The following THNSL1 variants were observed in gnomAD, a reference collection of about 807,000 sequenced individuals.
The protein encoded by THNSL1 is threonine synthase-like 1.
Under a neutral mutation model 50.4 loss-of-function variants are expected in THNSL1, and 48 were observed. That is an observed-to-expected ratio of 0.95 (90% CI 0.76 to 1.21). The LOEUF (loss-of-function observed/expected upper bound fraction) is 1.21, where lower values mean the gene tolerates loss of function less well. THNSL1 is among the 50% of genes most tolerant of loss of function. The pLI is 0.00. For synonymous variants in THNSL1, 309 were observed against 306.1 expected, an observed-to-expected ratio of 1.01 and a Z score of -0.10; for missense variants, 896 against 871.7, an observed-to-expected ratio of 1.03 and a Z score of -0.35.
rs1455237814 is a variant in THNSL1 at position 25,026,403 on chromosome 10, T to C, written c.*948T>C. 1.8e-5 allele frequency: 3 copies of C among 167,026 alleles called. No homozygotes were observed. Among genetic ancestry groups the C allele is most frequent in the African/African-American group, 2.4e-5 (1 of 41,458 alleles). The allele number at this position is 167,026 out of a possible 1,614,324, so 10.3% of individuals were successfully genotyped here. A position where few individuals can be genotyped will look rare whatever the true frequency, so the allele number is the denominator to read the frequency against. On this transcript the variant is annotated 3_prime_UTR_variant, in exon 3 of 3. Transcript: ENST00000376356. ...AAATGATCTATTTCAAGAGGAAGGT[T>C]TTCCAAAATTAAGAGTACTTGAGTA...
chr10:25,020,698 G>T (rs1316600175), intron 1 of THNSL1, among the ~76,000 whole-genome samples: 1 of 151,020 alleles, frequency 6.6e-6, no homozygotes, highest in Non-Finnish European at 1.5e-5. Context: ...CTGAGATCAT[G>T]CCACTGCACT....
chr10:24,998,284 TTTTC>T, the THNSL1 span, among the ~76,000 whole-genome samples: 1 of 151,852 alleles, frequency 6.6e-6, no homozygotes, highest in Middle Eastern at 3.4e-3. Context: ...TTTTCTTTTC[TTTTC>T]TTTTCTTCTC....
the THNSL1 span, among the ~76,000 whole-genome samples, chr10:24,960,385 C>T: frequency 6.6e-6 from 1 of 152,052 alleles, no homozygotes. Context: ...CTTGAAGGAA[C>T]TGGGTTCCTT....
At chr10:25,019,013 C>G (rs1850667581) in intron 1 of THNSL1, among the ~76,000 whole-genome samples, 1 of 152,076 alleles carries the variant, frequency 6.6e-6, no homozygotes, top group East Asian at 1.9e-4. Context: ...TGTTTCATGG[C>G]AAGTGGGAGG....
At chr10:24,983,224 G>A in the THNSL1 span, 1 of 152,142 alleles carries the variant, frequency 6.6e-6, no homozygotes. Context: ...TTTGGAGTTA[G>A]TTTGTTAAAG....
upstream of THNSL1, chr10:25,015,934 C>T: frequency 6.2e-7 from 1 of 1,605,898 alleles, no homozygotes; most frequent in East Asian, 2.2e-5. Context: ...ACGTTGGATC[C>T]ATGGCCACCA....
the THNSL1 span, among the ~76,000 whole-genome samples, chr10:24,996,765 C>G: frequency 3.3e-5 from 5 of 152,148 alleles, no homozygotes; most frequent in Admixed American, 3.3e-4. Context: ...CCAATACTTA[C>G]AGTTAAAAGT....
the THNSL1 span, among the ~76,000 whole-genome samples, chr10:24,993,602 T>C: frequency 6.6e-6 from 1 of 152,246 alleles, no homozygotes; most frequent in African/African-American, 2.4e-5. Context: ...AAAGAATTTA[T>C]TTACTATCTC....
chr10:24,984,855 C>A, the THNSL1 span: 11 of 1,613,342 alleles, frequency 6.8e-6, no homozygotes, highest in African/African-American at 5.3e-5. Flanking sequence ...CTATAAAGAC[C>A]GAGAGGGACT....
At chr10:25,016,247 G>C, upstream of THNSL1, 1 of 990,248 alleles carries the variant, frequency 1.0e-6, no homozygotes, top group Non-Finnish European at 1.2e-6. Context: ...TTTCTGCAGC[G>C]CCTTCTGCTA....
the THNSL1 span, among the ~76,000 whole-genome samples, chr10:25,010,601 C>A: frequency 6.6e-6 from 1 of 151,334 alleles, no homozygotes; most frequent in Non-Finnish European, 1.5e-5. Flanking sequence ...CCCCTACCCC[C>A]ACCCCACAAC....
At chr10:25,004,251 T>C in the THNSL1 span, among the ~76,000 whole-genome samples, 1,383 of 152,330 alleles carry the variant, frequency 9.1e-3, 19 homozygotes, top group African/African-American at 0.031. Flanking sequence ...CATGCATGTG[T>C]CTTTATAATA....
the THNSL1 span, chr10:24,995,913 C>G: frequency 1.4e-6 from 2 of 1,475,152 alleles, no homozygotes; most frequent in South Asian, 1.3e-5. Context: ...ACTACAAACA[C>G]TGCTACTCAG....
the THNSL1 span, among the ~76,000 whole-genome samples, chr10:25,003,316 C>A: frequency 2.0e-5 from 3 of 152,274 alleles, no homozygotes; most frequent in South Asian, 2.1e-4. Flanking sequence ...AAATGATTCT[C>A]ATGCCTCTGC....
At chr10:25,010,370 G>C in the THNSL1 span, among the ~76,000 whole-genome samples, 1 of 152,148 alleles carries the variant, frequency 6.6e-6, no homozygotes, top group Non-Finnish European at 1.5e-5. Context: ...CATTCAAGAG[G>C]TGACTTGAGT....
the THNSL1 span, among the ~76,000 whole-genome samples, chr10:24,987,752 A>T: frequency 6.6e-6 from 1 of 152,156 alleles, no homozygotes; most frequent in Non-Finnish European, 1.5e-5. Context: ...TTGGTAAATG[A>T]GTTTTAGTCC....
At chr10:25,001,553 T>C in the THNSL1 span, among the ~76,000 whole-genome samples, 1 of 152,144 alleles carries the variant, frequency 6.6e-6, no homozygotes, top group African/African-American at 2.4e-5. Context: ...TGCTTTCTTT[T>C]TCAGTCTATT....
Position 25,023,395 on chromosome 10 carries a change from A to G in THNSL1, c.172A>G (p.Ile58Val). The stretch of plus-strand genomic sequence containing the variant: ...CCACTCTCTTGTTGGAGACAAAAAT[A>G]TTATCCTGATGGGACCTCCTGGTGC... Reference protein sequence around the residue: ...STHSLVGDKNIILMGPPGAGK... With the variant: ...STHSLVGDKNVILMGPPGAGK... The change falls in exon 3 of 3, where the codon ATT (isoleucine) becomes GTT (valine). Residue 58 changes from isoleucine to valine, a missense_variant. Physicochemically the swap from Ile to Val is conservative, Grantham distance 29. Transcript: ENST00000376356. 1 of 1,614,170 alleles carries G rather than the reference A, an allele frequency of 6.2e-7. No homozygotes were observed. The highest frequency in any genetic ancestry group is 8.5e-7 in the Non-Finnish European group (1 of 1,180,008).
chr10:25,023,948 G>A lies in THNSL1; in HGVS notation c.725G>A (p.Cys242Tyr). The A allele has an allele frequency of 6.2e-7, 1 of 1,614,170 alleles. No individual in the cohort carries two copies. Among genetic ancestry groups the A allele is most frequent in the Non-Finnish European group, 8.5e-7 (1 of 1,180,018 alleles). ...ACAAGACACGTTTGGCCTGAAGACT[G>A]TGAACAGAAGGTTTCAGCAAAATTC... ...ISTRHVWPEDCEQKVSAKFFS... is the reference protein window; with the variant it reads ...ISTRHVWPEDYEQKVSAKFFS... The change falls in exon 3 of 3, where the codon TGT becomes TAT. Residue 242 changes from cysteine to tyrosine, a missense_variant. Physicochemically the swap from Cys to Tyr is radical, Grantham distance 194. Coordinates refer to ENST00000376356, the MANE Select transcript of THNSL1 (RefSeq NM_024838.5).
Sources: gnomAD v4.1 joint callset for allele counts (sites outside exome capture counted in the v4.1 genomes callset) on GRCh38, gnomAD v4.1.1 for gene constraint, MANE v1.5 for transcripts, NCBI Gene and HGNC (gene_info 2026-07-23, HGNC 2026-07-21) for gene names.